The following MARF1 variants were observed in gnomAD, a reference collection of about 807,000 sequenced individuals.
MARF1 encodes limkain-b1.
In MARF1, 24 loss-of-function variants were observed where a neutral mutation model predicts 168.2. The ratio of observed to expected loss-of-function variants is 0.14; its 90% CI spans 0.10 to 0.20. The LOEUF (loss-of-function observed/expected upper bound fraction) is 0.20. Among genes scored for constraint, MARF1 ranks in the 10% least tolerant of loss-of-function variants. The pLI, the probability that MARF1 is intolerant of heterozygous loss-of-function variation, is 1.00. For missense variants in MARF1, 1,744 were observed against 2,143.6 expected, an observed-to-expected ratio of 0.81 and a Z score of 3.68; for synonymous variants, 868 against 822.4, an observed-to-expected ratio of 1.06 and a Z score of -0.95.
At chr16:15,611,872 GATC>G in intron 17 of MARF1, 138 bp from the exon 18 acceptor site, 1 of 644,442 alleles carries the variant, frequency 1.6e-6, no homozygotes, top group Non-Finnish European at 2.5e-6. Flanking sequence ...AACACATGTC[GATC>G]AACAAAATGT....
At chr16:15,632,206 G>A (rs1418041937) in intron 5 of MARF1, among the ~76,000 whole-genome samples, 5 of 152,184 alleles carry the variant, frequency 3.3e-5, no homozygotes, top group African/African-American at 9.7e-5. Context: ...AATATAGGAA[G>A]TGAAATTTGA....
intron 1 of MARF1, among the ~76,000 whole-genome samples, chr16:15,640,395 C>T (rs1043453379): frequency 6.6e-6 from 1 of 152,226 alleles, no homozygotes; most frequent in Admixed American, 6.5e-5. Context: ...AGCAACAACA[C>T]TCTTACAGGT....
In MARF1 at chr16:15,608,647, T is replaced by C. The variant is rs142495285; in HGVS notation, c.3955-129A>G. The stretch of plus-strand genomic sequence containing the variant: ...TTACTGAATGGGTATAAAGTTTCAG[T>C]TGTGTAAGATGAAAAAGTTCAGAAG... On this transcript the variant is annotated intron_variant, in intron 20 of 26. Coordinates refer to ENST00000396368, the MANE Select transcript of MARF1 (RefSeq NM_014647.4). The C allele has an allele frequency of 8.3e-4, 543 of 653,088 alleles. 1 individual carries two copies. The East Asian group carries it at 0.015, about 18-fold the overall frequency. The allele number at this position is 653,088 out of a possible 1,614,324, so 40.5% of individuals were successfully genotyped here.
chr16:15,598,486 C>A (rs544117925), intron 26 of MARF1, among the ~76,000 whole-genome samples: 1 of 152,150 alleles, frequency 6.6e-6, no homozygotes, highest in Non-Finnish European at 1.5e-5. Flanking sequence ...GCCCTCTGGA[C>A]CCCCACCATG....
At chr16:15,604,111 G>C (rs1022700227) in intron 22 of MARF1, 57 bp downstream of exon 22, 18 of 1,337,396 alleles carry the variant, frequency 1.3e-5, no homozygotes, top group Non-Finnish European at 1.9e-5. Context: ...AGGTAATCCG[G>C]AAATGCCCAA....
At chr16:15,625,259 A>G (rs2034765800) in intron 8 of MARF1, 86 bp from the exon 9 acceptor site, 2 of 1,560,386 alleles carry the variant, frequency 1.3e-6, no homozygotes, top group Non-Finnish European at 1.7e-6. Context: ...GACTTTGAGT[A>G]TCATCAAACA....
Position 15,614,942 on chromosome 16 carries a change from G to A in MARF1, c.3253+888C>T, listed in dbSNP as rs111642996. Among the ~76,000 whole-genome samples, 483 of 152,198 alleles carry A rather than the reference G, an allele frequency of 3.2e-3. 3 individuals are homozygous for A. The highest frequency in any genetic ancestry group is 0.011 in the African/African-American group (458 of 41,554). On this transcript the variant is annotated intron_variant, in intron 16 of 26. Coordinates refer to ENST00000396368, the MANE Select transcript of MARF1 (RefSeq NM_014647.4). ...TGGGATTACAGGTGCCCACCATCAT[G>A]CCTGATTTTTCTATTTTTAGTAGAG...
chr16:15,613,751 G>A (rs984745368), intron 16 of MARF1, among the ~76,000 whole-genome samples: 1 of 152,060 alleles, frequency 6.6e-6, no homozygotes, highest in Admixed American at 6.6e-5. Context: ...GAGAAAGGAG[G>A]AGTGGCATAA....
At chr16:15,614,513 C>T (rs1385402728) in intron 16 of MARF1, among the ~76,000 whole-genome samples, 7 of 141,734 alleles carry the variant, frequency 4.9e-5, no homozygotes, top group African/African-American at 7.9e-5. Flanking sequence ...ATCCTGGGCG[C>T]GGTGGCTCAC....
chr16:15,633,105 T>C (rs945097917), intron 5 of MARF1, among the ~76,000 whole-genome samples: 4 of 151,666 alleles, frequency 2.6e-5, no homozygotes, highest in African/African-American at 4.8e-5. Context: ...TTTATTTTAT[T>C]TGAAAACTTG....
chr16:15,632,474 CA>C (rs1157146036), intron 5 of MARF1, among the ~76,000 whole-genome samples: 1 of 152,166 alleles, frequency 6.6e-6, no homozygotes, highest in Non-Finnish European at 1.5e-5. Flanking sequence ...TTTACTAGCC[CA>C]ACCAGAAACA....
chr16:15,602,512 GAAGAAGACGAAGACGACGATA>G lies in MARF1; in HGVS notation c.4414-330_4414-310del, dbSNP rs766241099. The G allele has an allele frequency of 1.6e-4, 74 of 473,442 alleles. No homozygotes were observed. In the Admixed American group the frequency reaches 2.1e-3, roughly 13 times the overall value. The allele number at this position is 473,442 out of a possible 1,614,324, so 29.3% of individuals were successfully genotyped here. On this transcript the variant is annotated intron_variant, in intron 22 of 26. Transcript: ENST00000396368. ...ACGAAGACAAGACGAAGACGACGAT[GAAGAAGACGAAGACGACGATA>G]AAGAAGACGAAGACGACGAATTGGA... is the stretch of plus-strand genomic sequence containing the variant.
Position 15,595,016 on chromosome 16 carries a change from A to C in MARF1, c.*1677T>G, listed in dbSNP as rs117645896. The C allele has an allele frequency of 4.1e-3, 630 of 152,754 alleles. 7 individuals are homozygous for C. In the East Asian group the frequency reaches 0.044, roughly 11 times the overall value. 9.5% of individuals were successfully genotyped at this position (152,754 alleles called of 1,614,324 possible). A position where few individuals can be genotyped will look rare whatever the true frequency, so the allele number is the denominator to read the frequency against. ...AAACTCAGCCTTATGAAATCTTAGA[A>C]TAAGGCAACTGATGTTCTCAACACC... On this transcript the variant is annotated 3_prime_UTR_variant, in exon 27 of 27. Transcript: ENST00000396368.
At chr16:15,618,704 A>G (rs2034242103) in intron 13 of MARF1, among the ~76,000 whole-genome samples, 1 of 151,866 alleles carries the variant, frequency 6.6e-6, no homozygotes, top group Admixed American at 6.6e-5. Context: ...GTCTGTCCCA[A>G]TCGTCTTAAA....
intron 25 of MARF1, 130 bp from the exon 26 acceptor site, chr16:15,599,154 TAAAAA>T (rs565989147): frequency 2.0e-4 from 61 of 299,088 alleles, no homozygotes; most frequent in Middle Eastern, 1.0e-3. Context: ...TTTAAGGTAT[TAAAAA>T]AAAAAAAAAA....
chr16:15,613,680 T>TAAAC, intron 16 of MARF1, among the ~76,000 whole-genome samples: 1 of 144,896 alleles, frequency 6.9e-6, no homozygotes, highest in South Asian at 2.2e-4. Context: ...AATAAATAAA[T>TAAAC]AAATAAATAA....
intron 23 of MARF1, 94 bp downstream of exon 23, chr16:15,601,897 C>G: frequency 1.0e-6 from 1 of 1,003,860 alleles, no homozygotes; most frequent in African/African-American, 1.6e-5. Flanking sequence ...GCCTGCCGTT[C>G]CATTATTCTG....
intron 17 of MARF1, 52 bp from the exon 18 acceptor site, chr16:15,611,786 T>C (rs751661072): frequency 2.0e-6 from 3 of 1,523,150 alleles, no homozygotes; most frequent in South Asian, 1.2e-5. Flanking sequence ...AGACAGCGAC[T>C]TCCTTGCTGC....
At chr16:15,625,248 T>C in intron 8 of MARF1, 75 bp from the exon 9 acceptor site, 1 of 1,569,378 alleles carries the variant, frequency 6.4e-7, no homozygotes, top group Non-Finnish European at 8.6e-7. Flanking sequence ...AGAAAACGAT[T>C]GACTTTGAGT....
Sources: allele counts gnomAD v4.1 joint callset (sites outside exome capture counted in the v4.1 genomes callset), GRCh38; gene constraint gnomAD v4.1.1; transcripts MANE v1.5; gene names NCBI Gene and HGNC (gene_info 2026-07-23, HGNC 2026-07-21).